The following DNAH3 variants were observed in gnomAD, a reference collection of about 807,000 sequenced individuals.
The protein encoded by DNAH3 is axonemal beta dynein heavy chain 3.
In DNAH3, 332 loss-of-function variants were observed where a neutral mutation model predicts 432.5. That is an observed-to-expected ratio of 0.77 (90% CI 0.70 to 0.84). The LOEUF (loss-of-function observed/expected upper bound fraction) is 0.84. DNAH3 is among the 40% of genes least tolerant of loss of function. The pLI is 0.00. For missense variants in DNAH3, 4,861 were observed against 5,114.0 expected (o/e 0.95, Z 1.51); for synonymous variants, 1,956 against 1,900.2 (o/e 1.03, Z -0.76).
intron 3 of DNAH3, among the ~76,000 whole-genome samples, chr16:21,142,018 A>T (rs1229017842): frequency 6.6e-6 from 1 of 151,932 alleles, no homozygotes. Flanking sequence ...GTGCCACTGC[A>T]CTCCATACTG....
At chr16:20,992,845 T>A (rs1391613966) in intron 44 of DNAH3, among the ~76,000 whole-genome samples, 3 of 152,180 alleles carry the variant, frequency 2.0e-5, no homozygotes, top group Non-Finnish European at 4.4e-5. Context: ...AACTTTTGCC[T>A]AACTTCTTTT....
At chr16:21,114,139 T>C (rs1285763530) in intron 12 of DNAH3, among the ~76,000 whole-genome samples, 1 of 152,218 alleles carries the variant, frequency 6.6e-6, no homozygotes, top group Non-Finnish European at 1.5e-5. Context: ...TTTCTCAAAA[T>C]AGCTTGATAT....
intron 39 of DNAH3, among the ~76,000 whole-genome samples, chr16:21,023,212 T>C (rs558485481): frequency 2.6e-5 from 4 of 152,276 alleles, no homozygotes; most frequent in Non-Finnish European, 4.4e-5. Flanking sequence ...TACATGGAAA[T>C]GTGGTATATC....
intron 20 of DNAH3, among the ~76,000 whole-genome samples, chr16:21,079,829 A>G (rs543157750): frequency 6.6e-6 from 1 of 152,220 alleles, no homozygotes; most frequent in South Asian, 2.1e-4. Flanking sequence ...CCTGCTCGTT[A>G]ATGAGGAACA....
intron 41 of DNAH3, among the ~76,000 whole-genome samples, chr16:21,011,247 T>C (rs1247214560): frequency 6.6e-6 from 1 of 152,016 alleles, no homozygotes; most frequent in East Asian, 1.9e-4. Flanking sequence ...TTTTGAAGGA[T>C]GAGGAAGGCA....
chr16:20,969,801 TG>T lies in DNAH3; in HGVS notation c.8448del (p.Ser2817ValfsTer6). The stretch of plus-strand genomic sequence containing the variant: ...GTGGGGTGGCACTTACCGGAGCCAC[TG>T]GGGTCTGGCTTCCTCTCTGGCTTCA... On this transcript the variant is annotated frameshift_variant, in exon 52 of 62. Coordinates refer to ENST00000261383, the Ensembl canonical transcript of DNAH3. LOFTEE classifies it high-confidence loss of function. The T allele has an allele frequency of 6.2e-7, 1 of 1,614,156 alleles. No homozygotes were observed. The highest frequency in any genetic ancestry group is 8.5e-7 in the Non-Finnish European group (1 of 1,180,026).
At chr16:20,956,251 C>A (rs185777741) in intron 54 of DNAH3, among the ~76,000 whole-genome samples, 2 of 152,222 alleles carry the variant, frequency 1.3e-5, no homozygotes, top group East Asian at 3.9e-4. Context: ...GTTTAAAAAC[C>A]TAAGGCTTTC....
intron 59 of DNAH3, among the ~76,000 whole-genome samples, chr16:20,939,652 C>G (rs2083730682): frequency 6.6e-6 from 1 of 151,414 alleles, no homozygotes; most frequent in Non-Finnish European, 1.5e-5. Context: ...ATTCAGGAAG[C>G]CTAACAACTC....
chr16:21,018,502 G>C (rs936592441), intron 41 of DNAH3, among the ~76,000 whole-genome samples: 1 of 152,116 alleles, frequency 6.6e-6, no homozygotes, highest in African/African-American at 2.4e-5. Flanking sequence ...TTCCTTATAA[G>C]AAATGATGTC....
intron 27 of DNAH3, among the ~76,000 whole-genome samples, chr16:21,056,129 T>C (rs1266973416): frequency 1.3e-5 from 2 of 152,124 alleles, no homozygotes; most frequent in African/African-American, 4.8e-5. Context: ...CCCACATCTC[T>C]CCTACCCACA....
chr16:21,040,896 G>A (rs1392793274), intron 32 of DNAH3, among the ~76,000 whole-genome samples: 2 of 152,156 alleles, frequency 1.3e-5, no homozygotes, highest in Non-Finnish European at 2.9e-5. Flanking sequence ...TCTTAGAGGA[G>A]AAGTAACTTG....
At chr16:21,038,212 C>T (rs147329170) in intron 33 of DNAH3, among the ~76,000 whole-genome samples, 201 of 152,192 alleles carry the variant, frequency 1.3e-3, no homozygotes, top group African/African-American at 4.5e-3. Flanking sequence ...TGAAATGATA[C>T]GTTTTTGGCC....
chr16:21,002,752 C>A (rs897804572), intron 42 of DNAH3, among the ~76,000 whole-genome samples: 1 of 152,040 alleles, frequency 6.6e-6, no homozygotes. Flanking sequence ...TGAGCCACTG[C>A]GCCTGGCCAG....
intron 37 of DNAH3, among the ~76,000 whole-genome samples, chr16:21,029,983 C>T (rs556210398): frequency 3.9e-5 from 6 of 152,182 alleles, no homozygotes; most frequent in African/African-American, 1.4e-4. Flanking sequence ...CCACCATGCC[C>T]AGTTAATTAA....
chr16:20,979,049 G>A (rs936641311), intron 50 of DNAH3, among the ~76,000 whole-genome samples: 1 of 151,218 alleles, frequency 6.6e-6, no homozygotes, highest in Admixed American at 6.6e-5. Context: ...AACTTAAGGG[G>A]TCATTAAAAA....
At chr16:21,040,637 A>AT (rs574262194) in intron 32 of DNAH3, among the ~76,000 whole-genome samples, 178 of 151,956 alleles carry the variant, frequency 1.2e-3, no homozygotes, top group African/African-American at 4.1e-3. Flanking sequence ...AAGTGTTCAG[A>AT]TTAAGGCGTG....
chr16:20,958,957 AG>A (rs2084691634), intron 54 of DNAH3, among the ~76,000 whole-genome samples: 2 of 152,104 alleles, frequency 1.3e-5, no homozygotes, highest in African/African-American at 4.8e-5. Context: ...TAGTAGAGAC[AG>A]TGTTTTGCAA....
intron 41 of DNAH3, among the ~76,000 whole-genome samples, chr16:21,013,719 C>CAAAAAAAA (rs557641711): frequency 1.7e-4 from 8 of 47,380 alleles, no homozygotes; most frequent in Non-Finnish European, 2.4e-4. Flanking sequence ...AACTCCATCT[C>CAAAAAAAA]AAAAAAAAAA....
chr16:21,138,993 G>T (rs2092682419), intron 5 of DNAH3, among the ~76,000 whole-genome samples: 1 of 152,124 alleles, frequency 6.6e-6, no homozygotes, highest in African/African-American at 2.4e-5. Context: ...GCTATAGAGG[G>T]TTTAGCAGGG....
Sources: gnomAD v4.1 joint callset for allele counts (sites outside exome capture counted in the v4.1 genomes callset) on GRCh38, gnomAD v4.1.1 for gene constraint, MANE v1.5 for transcripts, NCBI Gene and HGNC (gene_info 2026-07-23, HGNC 2026-07-21) for gene names.